Variants in HS6ST3 observed in about 807,000 individuals in gnomAD.
The protein encoded by HS6ST3 is heparan sulfate 6-O-sulfotransferase 3.
HS6ST3 carries 12 observed loss-of-function variants against 36.7 expected under a neutral mutation model. The ratio of observed to expected loss-of-function variants is 0.33; its 90% CI spans 0.21 to 0.53. HS6ST3 has a LOEUF of 0.53. Ranked by LOEUF, HS6ST3 falls within the 20% of genes least tolerant of loss-of-function variation. HS6ST3 has a pLI of 0.95. For synonymous variants in HS6ST3, 240 were observed against 257.5 expected (o/e 0.93, Z 0.65); for missense variants, 584 against 640.9 (o/e 0.91, Z 0.96).
chr13:96,474,156 C>A (rs779325332), intron 1 of HS6ST3, among the ~76,000 whole-genome samples: 2 of 152,032 alleles, frequency 1.3e-5, no homozygotes, highest in South Asian at 2.1e-4. Context: ...TTATGTACCC[C>A]CCTCCTTCAA....
chr13:96,720,818 T>C (rs999853533), intron 1 of HS6ST3, among the ~76,000 whole-genome samples: 1 of 152,196 alleles, frequency 6.6e-6, no homozygotes, highest in Non-Finnish European at 1.5e-5. Context: ...TTGCAGTATT[T>C]TGAAGTTGGC....
intron 1 of HS6ST3, among the ~76,000 whole-genome samples, chr13:96,335,382 C>T (rs993388700): frequency 6.6e-6 from 1 of 152,208 alleles, no homozygotes; most frequent in Non-Finnish European, 1.5e-5. Context: ...GTGGTTTGAA[C>T]TGACCTTGGT....
At chr13:96,493,470 A>G (rs975298532) in intron 1 of HS6ST3, among the ~76,000 whole-genome samples, 2 of 152,188 alleles carry the variant, frequency 1.3e-5, no homozygotes, top group Admixed American at 1.3e-4. Context: ...TCATTATTAT[A>G]TTCATTTTTT....
chr13:96,474,094 A>G (rs2055851832), intron 1 of HS6ST3, among the ~76,000 whole-genome samples: 1 of 143,192 alleles, frequency 7.0e-6, no homozygotes, highest in African/African-American at 2.8e-5. Flanking sequence ...TGAGAGGAAA[A>G]TGGCCCATTT....
chr13:96,721,164 G>C (rs1400784344), intron 1 of HS6ST3, among the ~76,000 whole-genome samples: 1 of 152,116 alleles, frequency 6.6e-6, no homozygotes, highest in Non-Finnish European at 1.5e-5. Context: ...GAAGAGCAAG[G>C]TGTTCATGTG....
At chr13:96,560,152 G>A (rs1190074076) in intron 1 of HS6ST3, among the ~76,000 whole-genome samples, 1 of 152,198 alleles carries the variant, frequency 6.6e-6, no homozygotes, top group East Asian at 1.9e-4. Flanking sequence ...AAGTGCTAGT[G>A]TGGGGCTTTG....
At position 96,264,467 on chromosome 13, in the gene HS6ST3, T is replaced by C. The variant is rs189151220; in HGVS notation, c.707+172898T>C. On this transcript the variant is annotated intron_variant, in intron 1 of 1. Transcript: ENST00000376705. ...TGGCTGGCCCTGGCTTGTCCATACT[T>C]GGGAGGCAATTCACACAGCCCGTGG... Among the ~76,000 whole-genome samples the C allele has an allele frequency of 2.2e-3, 342 of 152,304 alleles. 2 individuals are homozygous for C. The highest frequency in any genetic ancestry group is 4.0e-4 in the Non-Finnish European group (27 of 68,028).
chr13:96,383,673 T>C (rs1373428159), intron 1 of HS6ST3, among the ~76,000 whole-genome samples: 1 of 151,994 alleles, frequency 6.6e-6, no homozygotes, highest in Non-Finnish European at 1.5e-5. Context: ...TATGAAAGGC[T>C]CAAATCCTGG....
chr13:96,367,192 A>G (rs1178394068), intron 1 of HS6ST3, among the ~76,000 whole-genome samples: 1 of 152,204 alleles, frequency 6.6e-6, no homozygotes, highest in Non-Finnish European at 1.5e-5. Context: ...TAAAAGCCAT[A>G]TTTAACATGG....
intron 1 of HS6ST3, among the ~76,000 whole-genome samples, chr13:96,637,897 A>G (rs780831816): frequency 5.9e-5 from 9 of 152,046 alleles, no homozygotes; most frequent in Non-Finnish European, 1.0e-4. Flanking sequence ...TAATGAGTTG[A>G]TTCAGAGACA....
chr13:96,511,621 G>C (rs1216138985), intron 1 of HS6ST3, among the ~76,000 whole-genome samples: 1 of 150,898 alleles, frequency 6.6e-6, no homozygotes, highest in Non-Finnish European at 1.5e-5. Flanking sequence ...GGGCATTCTA[G>C]ATATGATTCC....
chr13:96,759,229 C>T (rs1307920639), intron 1 of HS6ST3, among the ~76,000 whole-genome samples: 1 of 151,822 alleles, frequency 6.6e-6, no homozygotes, highest in African/African-American at 2.4e-5. Flanking sequence ...TTGGGCCCTA[C>T]ATTTTTACCC....
intron 1 of HS6ST3, among the ~76,000 whole-genome samples, chr13:96,693,140 T>C (rs557036337): frequency 6.6e-6 from 1 of 152,250 alleles, no homozygotes; most frequent in Admixed American, 6.5e-5. Context: ...AAGGCTACCG[T>C]CTCTATAGGT....
At chr13:96,775,674 C>G (rs1234110779) in intron 1 of HS6ST3, among the ~76,000 whole-genome samples, 1 of 152,040 alleles carries the variant, frequency 6.6e-6, no homozygotes, top group East Asian at 1.9e-4. Context: ...TACAGAAGCA[C>G]CCAGATTAAT....
chr13:96,799,486 A>G (rs1566456613), intron 1 of HS6ST3, among the ~76,000 whole-genome samples: 2 of 152,216 alleles, frequency 1.3e-5, no homozygotes, highest in South Asian at 2.1e-4. Flanking sequence ...TTGTAGGGAC[A>G]TGGATGAAAT....
chr13:96,360,646 C>CAA (rs5805964), intron 1 of HS6ST3, among the ~76,000 whole-genome samples: 3,562 of 134,332 alleles, frequency 0.027, 148 homozygotes, highest in African/African-American at 0.086. Context: ...TTTGTATTAT[C>CAA]AAAAAAAAAA....
chr13:96,744,183 CTTATT>C, intron 1 of HS6ST3, among the ~76,000 whole-genome samples: 1 of 151,882 alleles, frequency 6.6e-6, no homozygotes, highest in East Asian at 1.9e-4. Context: ...GAAATTTTGT[CTTATT>C]TTAATTTTTT....
At chr13:96,409,917 G>C (rs944879551) in intron 1 of HS6ST3, among the ~76,000 whole-genome samples, 2 of 152,134 alleles carry the variant, frequency 1.3e-5, no homozygotes, top group Non-Finnish European at 2.9e-5. Context: ...CAATAAGTGA[G>C]ACTGAAATAA....
chr13:96,820,496 G>A (rs1878510012), intron 1 of HS6ST3, among the ~76,000 whole-genome samples: 1 of 152,118 alleles, frequency 6.6e-6, no homozygotes, highest in Non-Finnish European at 1.5e-5. Context: ...TATATAAATG[G>A]TGAGGATCTG....
Sources: gnomAD v4.1 joint callset for allele counts (sites outside exome capture counted in the v4.1 genomes callset) on GRCh38, gnomAD v4.1.1 for gene constraint, MANE v1.5 for transcripts, NCBI Gene and HGNC (gene_info 2026-07-23, HGNC 2026-07-21) for gene names.